Variants in SLC16A1 observed in about 807,000 individuals in gnomAD.
The protein encoded by SLC16A1 is solute carrier family 16 member 1.
In SLC16A1, 11 loss-of-function variants were observed where a neutral mutation model predicts 32.2. That is an observed-to-expected ratio of 0.34 (90% CI 0.21 to 0.56). The LOEUF is 0.56. Ranked by LOEUF, SLC16A1 falls within the 20% of genes least tolerant of loss-of-function variation. SLC16A1 has a pLI of 0.87. For synonymous variants in SLC16A1, 231 were observed against 226.8 expected (o/e 1.02, Z -0.17); for missense variants, 435 against 615.0 (o/e 0.71, Z 3.10).
intron 1 of SLC16A1, among the ~76,000 whole-genome samples, chr1:112,947,681 CTAA>C (rs1344943532): frequency 3.9e-4 from 59 of 152,218 alleles, no homozygotes; most frequent in African/African-American, 1.3e-3. Flanking sequence ...CTAATCTCTT[CTAA>C]TAACTTTCTA....
At chr1:112,930,240 G>A (rs1570631854) in intron 1 of SLC16A1, among the ~76,000 whole-genome samples, 1 of 152,076 alleles carries the variant, frequency 6.6e-6, no homozygotes, top group Non-Finnish European at 1.5e-5. Context: ...CTTAACCTGC[G>A]ATCTAACTCC....
intron 1 of SLC16A1, among the ~76,000 whole-genome samples, chr1:112,945,675 A>AAAAAAAAAAAAG (rs1402102657): frequency 1.4e-5 from 2 of 138,798 alleles, no homozygotes; most frequent in East Asian, 4.1e-4. Context: ...ACTCGGCCTC[A>AAAAAAAAAAAAG]AAAAAAAAAA....
chr1:112,955,218 A>G (rs1180207394), intron 1 of SLC16A1: 3 of 152,122 alleles, frequency 2.0e-5, no homozygotes, highest in Non-Finnish European at 4.4e-5. Flanking sequence ...TCCATCAAAT[A>G]TGTCATGACA....
At chr1:112,952,658 G>C (rs1557858331) in intron 1 of SLC16A1, among the ~76,000 whole-genome samples, 1 of 152,128 alleles carries the variant, frequency 6.6e-6, no homozygotes, top group Non-Finnish European at 1.5e-5. Context: ...TAGGGTCTGG[G>C]GAAAGTAGAT....
intron 2 of SLC16A1, chr1:112,923,729 C>G: frequency 1.3e-6 from 2 of 1,533,648 alleles, no homozygotes; most frequent in Non-Finnish European, 1.8e-6. Context: ...CACTGAGTGC[C>G]TGCCACCAGC....
intron 1 of SLC16A1, among the ~76,000 whole-genome samples, chr1:112,945,241 C>T (rs891761633): frequency 3.3e-5 from 5 of 152,110 alleles, no homozygotes; most frequent in Non-Finnish European, 5.9e-5. Context: ...TCAGGCCACC[C>T]GCCTCAGCAT....
At chr1:112,923,881 A>G in intron 2 of SLC16A1, 1 of 1,520,748 alleles carries the variant, frequency 6.6e-7, no homozygotes, top group South Asian at 1.1e-5. Context: ...ACCACCCAGC[A>G]GGTGAAAACG....
chr1:112,933,371 G>A (rs967743459), intron 1 of SLC16A1, among the ~76,000 whole-genome samples: 1 of 150,484 alleles, frequency 6.6e-6, no homozygotes, highest in African/African-American at 2.4e-5. Context: ...AGAATCGCTC[G>A]CTTGAACCCG....
chr1:112,924,183 G>A, intron 2 of SLC16A1: 2 of 1,503,572 alleles, frequency 1.3e-6, no homozygotes, highest in Non-Finnish European at 1.9e-6. Flanking sequence ...ACAGCTGCAG[G>A]GTGCCCACGG....
rs1224083691 is a variant in SLC16A1, at chr1:112,912,732, C to A, written c.*1159G>T. 6.6e-6 allele frequency: 1 copy of A among 151,928 alleles called. No individual in the cohort carries two copies. The highest frequency in any genetic ancestry group is 1.9e-4 in the East Asian group (1 of 5,188). The allele number at this position is 151,928 out of a possible 1,614,324, so 9.4% of individuals were successfully genotyped here. On this transcript the variant is annotated 3_prime_UTR_variant, in exon 5 of 5. Coordinates refer to ENST00000369626, the MANE Select transcript of SLC16A1 (RefSeq NM_003051.4). Reference sequence around the variant, plus strand: ...TATTAAAACTAAGCACACTTAGCAACTTCTTTCCCAATCCTATCTTTATTC... The same window carrying A: ...TATTAAAACTAAGCACACTTAGCAAATTCTTTCCCAATCCTATCTTTATTC...
At chr1:112,916,595 A>G (rs960979726) in intron 4 of SLC16A1, among the ~76,000 whole-genome samples, 17 of 151,644 alleles carry the variant, frequency 1.1e-4, no homozygotes, top group African/African-American at 3.6e-4. Flanking sequence ...GTTTTTCTAC[A>G]TGCTTTTCTA....
chr1:112,946,639 C>G (rs1489828773), intron 1 of SLC16A1, among the ~76,000 whole-genome samples: 3 of 152,150 alleles, frequency 2.0e-5, no homozygotes, highest in Non-Finnish European at 4.4e-5. Context: ...CTGCAACCTC[C>G]GCCCCTCGGG....
Position 112,954,242 on chromosome 1 carries a change from A to G in SLC16A1, c.-45+1793T>C, listed in dbSNP as rs1377327532. ...TGAATTGAAAACACGATGGGAATGC[A>G]GAACATAAGGAGCTGAGAAATCTAT... is the stretch of plus-strand genomic sequence containing the variant. On this transcript the variant is annotated intron_variant, in intron 1 of 4. Coordinates refer to ENST00000369626, the MANE Select transcript of SLC16A1 (RefSeq NM_003051.4). Among the ~76,000 whole-genome samples the G allele has an allele frequency of 5.3e-5, 8 of 152,238 alleles. No homozygotes were observed. In the East Asian group the frequency reaches 1.5e-3, roughly 29 times the overall value.
intron 1 of SLC16A1, among the ~76,000 whole-genome samples, chr1:112,933,651 G>A (rs1234035318): frequency 6.6e-6 from 1 of 152,030 alleles, no homozygotes; most frequent in Non-Finnish European, 1.5e-5. Flanking sequence ...ACAAGCACAT[G>A]TAAAGATGCT....
Position 112,942,053 on chromosome 1 carries a change from C to T in SLC16A1, c.-44-12701G>A, listed in dbSNP as rs1448097842. Reference sequence around the variant, plus strand: ...ATGGTGCGATCTTGGCTCACTGCAACCTCCACCTTCTGGGTTCAAGCAATT... The same window carrying T: ...ATGGTGCGATCTTGGCTCACTGCAATCTCCACCTTCTGGGTTCAAGCAATT... On this transcript the variant is annotated intron_variant, in intron 1 of 4. Transcript: ENST00000369626. 2.6e-5 allele frequency among the ~76,000 whole-genome samples: 4 copies of T among 152,222 alleles called. No homozygotes were observed. The East Asian group carries it at 7.7e-4, about 29-fold the overall frequency.
At chr1:112,951,594 T>C (rs1649899497) in intron 1 of SLC16A1, among the ~76,000 whole-genome samples, 1 of 152,142 alleles carries the variant, frequency 6.6e-6, no homozygotes, top group Admixed American at 6.5e-5. Flanking sequence ...AGGTATTCTC[T>C]AAAAGCTGTG....
intron 2 of SLC16A1, among the ~76,000 whole-genome samples, chr1:112,925,817 T>C (rs931804658): frequency 6.6e-6 from 1 of 152,248 alleles, no homozygotes; most frequent in African/African-American, 2.4e-5. Flanking sequence ...ATATTCAGAA[T>C]ATACTAATGA....
intron 1 of SLC16A1, among the ~76,000 whole-genome samples, chr1:112,953,706 G>T (rs899163807): frequency 2.6e-5 from 4 of 152,094 alleles, no homozygotes; most frequent in Non-Finnish European, 5.9e-5. Flanking sequence ...CTGTACTCTT[G>T]AGTGTAGCTT....
chr1:112,921,852 C>T, intron 3 of SLC16A1, 138 bp downstream of exon 3: 1 of 1,032,950 alleles, frequency 9.7e-7, no homozygotes, highest in South Asian at 1.5e-5. Flanking sequence ...GTACTTTTAT[C>T]TCTAGTTCTT....
Sources: allele counts gnomAD v4.1 joint callset (sites outside exome capture counted in the v4.1 genomes callset), GRCh38; gene constraint gnomAD v4.1.1; transcripts MANE v1.5; gene names NCBI Gene and HGNC (gene_info 2026-07-23, HGNC 2026-07-21).